RDH12: variants seen among roughly 807,000 people sequenced by gnomAD.
The protein encoded by RDH12 is all-trans and 9-cis retinol dehydrogenase.
In RDH12, 21 loss-of-function variants were observed where a neutral mutation model predicts 34.0. The observed-to-expected ratio is 0.62, with a 90% CI of 0.44 to 0.89. The LOEUF (loss-of-function observed/expected upper bound fraction) is 0.89, where lower values mean the gene tolerates loss of function less well. Ranked by LOEUF, RDH12 falls within the 40% of genes least tolerant of loss-of-function variation. RDH12 has a pLI of 0.00. For synonymous variants in RDH12, 198 were observed against 169.9 expected, an observed-to-expected ratio of 1.17 and a Z score of -1.29; for missense variants, 394 against 398.6, an observed-to-expected ratio of 0.99 and a Z score of 0.10.
At chr14:67,725,939 AC>A in intron 5 of RDH12, 111 bp from the exon 6 acceptor site, 1 of 804,634 alleles carries the variant, frequency 1.2e-6, no homozygotes, top group Non-Finnish European at 2.2e-6. Flanking sequence ...TCAAAATGTT[AC>A]CCCAACAAAG....
chr14:67,712,295 G>A lies in RDH12; in HGVS notation c.-274-8553G>A, dbSNP rs377374456. Among the ~76,000 whole-genome samples, 10 of 152,160 alleles carry A rather than the reference G, an allele frequency of 6.6e-5. No homozygotes were observed. In the East Asian group the frequency reaches 1.4e-3, roughly 21 times the overall value. Reference sequence around the variant, plus strand: ...ACTGAATCCTGGGTCTCCAAAAAGGGAGAATTATTTTGAGGTTAAACCATG... The same window carrying A: ...ACTGAATCCTGGGTCTCCAAAAAGGAAGAATTATTTTGAGGTTAAACCATG... On this transcript the variant is annotated intron_variant, in intron 1 of 8. Coordinates refer to ENST00000551171, the MANE Select transcript of RDH12 (RefSeq NM_152443.3).
chr14:67,707,051 G>A (rs1237559142), intron 1 of RDH12, among the ~76,000 whole-genome samples: 1 of 152,202 alleles, frequency 6.6e-6, no homozygotes, highest in East Asian at 1.9e-4. Context: ...TATGAAAGCG[G>A]TTTATGTATG....
chr14:67,712,493 C>CAAAAAAAAAAAAAAAAAAAAAA (rs79758974), intron 1 of RDH12, among the ~76,000 whole-genome samples: 4 of 38,948 alleles, frequency 1.0e-4, no homozygotes, highest in Non-Finnish European at 2.2e-4. Flanking sequence ...AAAAAACTTG[C>CAAAAAAAAAAAAAAAAAAAAAA]AAAAAAAAAA....
At chr14:67,711,388 T>A (rs891548374) in intron 1 of RDH12, among the ~76,000 whole-genome samples, 2 of 152,230 alleles carry the variant, frequency 1.3e-5, no homozygotes, top group African/African-American at 4.8e-5. Flanking sequence ...CTTAAGACAT[T>A]TCTAATATTA....
intron 1 of RDH12, among the ~76,000 whole-genome samples, chr14:67,712,800 G>A (rs1264387737): frequency 6.6e-6 from 1 of 152,096 alleles, no homozygotes. Context: ...TACAGGGTGA[G>A]GTGACAGCCA....
chr14:67,712,840 TG>T (rs2038024589), intron 1 of RDH12, among the ~76,000 whole-genome samples: 1 of 151,962 alleles, frequency 6.6e-6, no homozygotes, highest in Non-Finnish European at 1.5e-5. Flanking sequence ...AGCAAAAAGG[TG>T]GCCTTGTTAT....
rs974840305 is a variant in RDH12 at position 67,724,387 on chromosome 14, A to T, written c.69-86A>T. On this transcript the variant is annotated intron_variant, in intron 3 of 8. Transcript: ENST00000551171. ...TAAAGATACCCTTCTTTGAGGCTGG[A>T]TAGAGTTTTTTTTTTTTTTTTTAAC... The T allele has an allele frequency of 1.8e-5, 16 of 893,110 alleles. No homozygotes were observed. In the Admixed American group the frequency reaches 2.0e-4, roughly 11 times the overall value. 55.3% of individuals were successfully genotyped at this position (893,110 alleles called of 1,614,324 possible). A position where few individuals can be genotyped will look rare whatever the true frequency, so the allele number is the denominator to read the frequency against.
At chr14:67,726,311 C>T (rs1364754464) in intron 6 of RDH12, among the ~76,000 whole-genome samples, 156 bp downstream of exon 6, 1 of 152,184 alleles carries the variant, frequency 6.6e-6, no homozygotes, top group Non-Finnish European at 1.5e-5. Flanking sequence ...CTGTACCTCT[C>T]CTGATCAGTC....
At chr14:67,722,759 T>G in intron 3 of RDH12, 49 bp downstream of exon 3, 1 of 1,435,508 alleles carries the variant, frequency 7.0e-7, no homozygotes, top group Non-Finnish European at 9.8e-7. Flanking sequence ...AGACCTGCAC[T>G]GGAAGCCGGT....
Position 67,733,923 on chromosome 14 carries a change from TA to T in RDH12, c.*78del. Reference sequence around the variant, plus strand: ...CAGGGACCAAGGAGAAGGCCAACCCTAAAGGATTGTCCTCTTGGCCAGCTGG... The same window carrying T: ...CAGGGACCAAGGAGAAGGCCAACCCTAAGGATTGTCCTCTTGGCCAGCTGG... On this transcript the variant is annotated 3_prime_UTR_variant, in exon 9 of 9. Transcript: ENST00000551171. 1 of 1,099,908 alleles carries T rather than the reference TA, an allele frequency of 9.1e-7. No homozygotes were observed. The highest frequency in any genetic ancestry group is 1.4e-6 in the Non-Finnish European group (1 of 724,914). 68.1% of individuals were successfully genotyped at this position (1,099,908 alleles called of 1,614,324 possible).
chr14:67,724,238 T>C (rs2038158314), intron 3 of RDH12, among the ~76,000 whole-genome samples: 1 of 152,240 alleles, frequency 6.6e-6, no homozygotes. Context: ...TTTGCTAATA[T>C]GATTATTTGT....
chr14:67,720,289 T>C (rs1318157730), intron 1 of RDH12, among the ~76,000 whole-genome samples: 1 of 150,390 alleles, frequency 6.6e-6, no homozygotes, highest in Non-Finnish European at 1.5e-5. Flanking sequence ...TCAATTAGTC[T>C]CTTGTCTTCA....
intron 1 of RDH12, among the ~76,000 whole-genome samples, chr14:67,705,382 T>C (rs985020976): frequency 2.0e-5 from 3 of 152,212 alleles, no homozygotes; most frequent in African/African-American, 4.8e-5. Flanking sequence ...AATGTGTACG[T>C]CAACAGTTTG....
intron 1 of RDH12, among the ~76,000 whole-genome samples, chr14:67,702,910 C>T (rs957804773): frequency 2.0e-5 from 3 of 152,190 alleles, no homozygotes; most frequent in African/African-American, 7.2e-5. Flanking sequence ...ACCTCCCAGG[C>T]TCAAGTGATT....
At position 67,710,249 on chromosome 14, in the gene RDH12, CT is replaced by C. The variant is rs777400337; in HGVS notation, c.-275+8317del. 8.5e-4 allele frequency among the ~76,000 whole-genome samples: 130 copies of C among 152,290 alleles called. 1 individual carries two copies. Among genetic ancestry groups the C allele is most frequent in the Admixed American group, 3.9e-3 (60 of 15,282 alleles). On this transcript the variant is annotated intron_variant, in intron 1 of 8. Coordinates refer to ENST00000551171, the MANE Select transcript of RDH12 (RefSeq NM_152443.3). ...TCGTCCTCAAACTTGGCAAAATAAA[CT>C]TTCTAAATTAACTGAGACCTGTCTG...
At chr14:67,712,653 A>G (rs1344120604) in intron 1 of RDH12, among the ~76,000 whole-genome samples, 1 of 152,194 alleles carries the variant, frequency 6.6e-6, no homozygotes, top group East Asian at 1.9e-4. Context: ...TTAAAATCTC[A>G]TTACTATATT....
Position 67,722,706 on chromosome 14 carries a change from A to G in RDH12, c.64A>G (p.Ile22Val). The change falls in exon 3 of 9, where the codon ATC (isoleucine) becomes GTC (valine). Residue 22 changes from isoleucine (I) to valine (V), a missense_variant. Physicochemically the swap from Ile to Val is conservative, Grantham distance 29 (BLOSUM62 3). Transcript: ENST00000551171. Reference sequence around the variant, plus strand: ...GTTCCTGTATATGGTAGCTCCATCCATCAGGTTTGTCTTAATTCAGCAACT... The same window carrying G: ...GTTCCTGTATATGGTAGCTCCATCCGTCAGGTTTGTCTTAATTCAGCAACT... Reference protein sequence around the residue: ...FSFLYMVAPSIRKFFAGGVCR... With the variant: ...FSFLYMVAPSVRKFFAGGVCR... 6.2e-7 allele frequency: 1 copy of G among 1,613,432 alleles called. No homozygotes were observed. Among genetic ancestry groups the G allele is most frequent in the Non-Finnish European group, 8.5e-7 (1 of 1,179,344 alleles).
intron 1 of RDH12, among the ~76,000 whole-genome samples, chr14:67,719,126 A>G (rs1318482750): frequency 1.3e-5 from 2 of 152,230 alleles, no homozygotes; most frequent in African/African-American, 4.8e-5. Flanking sequence ...ATCCTTTTCC[A>G]TTGGAGGGTA....
At position 67,722,445 on chromosome 14, in the gene RDH12, G is replaced by T. The variant is rs1010645994; in HGVS notation, c.-198G>T. The T allele has an allele frequency of 3.2e-5, 21 of 660,508 alleles. No individual in the cohort carries two copies. Among genetic ancestry groups the T allele is most frequent in the South Asian group, 2.5e-4 (15 of 59,350 alleles). 40.9% of individuals were successfully genotyped at this position (660,508 alleles called of 1,614,324 possible). On this transcript the variant is annotated 5_prime_UTR_variant, in exon 3 of 9. Transcript: ENST00000551171. Reference sequence around the variant, plus strand: ...CCAGGACTACATCTCCCAGCAGGCTGTGCTCTGACAGCTCTTGGATTTAAA... The same window carrying T: ...CCAGGACTACATCTCCCAGCAGGCTTTGCTCTGACAGCTCTTGGATTTAAA...
Sources: gnomAD v4.1 joint callset for allele counts (sites outside exome capture counted in the v4.1 genomes callset) on GRCh38, gnomAD v4.1.1 for gene constraint, MANE v1.5 for transcripts, NCBI Gene and HGNC (gene_info 2026-07-23, HGNC 2026-07-21) for gene names.